The following XIRP2 variants were observed in gnomAD, a reference collection of about 807,000 sequenced individuals.
XIRP2 encodes xin actin binding repeat containing 2, also known as xin actin-binding repeat-containing protein 2.
Under a neutral mutation model 277.0 loss-of-function variants are expected in XIRP2, and 236 were observed. The observed-to-expected ratio is 0.85, with a 90% CI of 0.77 to 0.95. The LOEUF is 0.95. Among genes scored for constraint, XIRP2 ranks in the 40% least tolerant of loss-of-function variants. XIRP2 has a pLI of 0.00. For missense variants in XIRP2, 4,640 were observed against 4,157.5 expected (o/e 1.12, Z -3.19); for synonymous variants, 1,490 against 1,416.5 (o/e 1.05, Z -1.17).
rs903019357 is a variant in XIRP2 at position 167,259,557 on chromosome 2, T to C, written c.*1740T>C. The C allele has an allele frequency of 2.6e-5, 14 of 538,836 alleles. No homozygotes were observed. The highest frequency in any genetic ancestry group is 1.8e-4 in the African/African-American group (9 of 51,128). 33.4% of individuals were successfully genotyped at this position (538,836 alleles called of 1,614,324 possible). On this transcript the variant is annotated 3_prime_UTR_variant, in exon 11 of 11. Transcript: ENST00000409195. ...TTTTTCACAATTTATTTACATCTAC[T>C]TTTGTTTGAACTGGAATGAAGAGAT...
In XIRP2 at chr2:167,243,506, G is replaced by C; in HGVS notation, c.2114G>C (p.Gly705Ala). The change falls in exon 9 of 11, where the codon GGA becomes GCA. Residue 705 changes from glycine (G) to alanine (A), a missense_variant. Gly to Ala is a moderately conservative substitution (Grantham distance 60, BLOSUM62 0). Coordinates refer to ENST00000409195, the MANE Select transcript of XIRP2 (RefSeq NM_152381.6). ...MFETQHLDQL[G>A]QLHSVDEVHL... ...GAAACTCAACATCTAGATCAACTTG[G>C]ACAGCTTCATTCAGTGGATGAGGTT... 6.2e-7 allele frequency: 1 copy of C among 1,614,044 alleles called. No individual in the cohort carries two copies. The highest frequency in any genetic ancestry group is 8.5e-7 in the Non-Finnish European group (1 of 1,179,974).
At chr2:167,194,544 T>C (rs1456954275) in intron 3 of XIRP2, among the ~76,000 whole-genome samples, 2 of 152,222 alleles carry the variant, frequency 1.3e-5, no homozygotes, top group Non-Finnish European at 2.9e-5. Context: ...TTGAAATGTA[T>C]GAAGTGTTCT....
intron 2 of XIRP2, among the ~76,000 whole-genome samples, chr2:167,013,410 A>G (rs1687735158): frequency 6.6e-6 from 1 of 151,470 alleles, no homozygotes; most frequent in South Asian, 2.1e-4. Flanking sequence ...GCGGTCTTAA[A>G]TAAACATAAG....
At chr2:167,197,748 A>C (rs1460553442) in intron 3 of XIRP2, among the ~76,000 whole-genome samples, 1 of 152,170 alleles carries the variant, frequency 6.6e-6, no homozygotes, top group Non-Finnish European at 1.5e-5. Flanking sequence ...GGAATTTGGC[A>C]AAGAAACCCA....
intron 2 of XIRP2, among the ~76,000 whole-genome samples, chr2:167,089,798 A>T (rs1015906140): frequency 1.3e-5 from 2 of 152,130 alleles, no homozygotes; most frequent in African/African-American, 4.8e-5. Flanking sequence ...TTCTATCGAA[A>T]CGCAGCTATG....
At chr2:167,131,108 CT>C (rs1162243728) in intron 2 of XIRP2, among the ~76,000 whole-genome samples, 4 of 152,154 alleles carry the variant, frequency 2.6e-5, no homozygotes, top group Admixed American at 2.0e-4. Context: ...CAACTTCTGC[CT>C]GGGTTCTTAT....
chr2:167,194,884 C>T (rs1414640675), intron 3 of XIRP2, among the ~76,000 whole-genome samples: 2 of 152,216 alleles, frequency 1.3e-5, no homozygotes, highest in Non-Finnish European at 2.9e-5. Context: ...ATAGTAAGTG[C>T]TGTATAAGCT....
chr2:166,899,265 G>A (rs1466972981), intron 1 of XIRP2, among the ~76,000 whole-genome samples: 1 of 152,050 alleles, frequency 6.6e-6, no homozygotes, highest in Non-Finnish European at 1.5e-5. Context: ...TTTGAATGAA[G>A]TATAGAAACT....
chr2:166,910,470 AT>A (rs574576135), intron 2 of XIRP2, among the ~76,000 whole-genome samples: 2 of 152,034 alleles, frequency 1.3e-5, no homozygotes, highest in Non-Finnish European at 1.5e-5. Context: ...TCCCTTTATC[AT>A]TTTTTATGGC....
At position 167,245,187 on chromosome 2, in the gene XIRP2, A is replaced by T; in HGVS notation, c.3795A>T (p.Thr1265=). The T allele has an allele frequency of 6.2e-7, 1 of 1,613,490 alleles. No individual in the cohort carries two copies. The highest frequency in any genetic ancestry group is 8.5e-7 in the Non-Finnish European group (1 of 1,179,666). ...GTGATGAATGTGTTAAGACGGTGAC[A>T]GACATACAAGGTGGGGATGTAAGAA... ...QEGDECVKTV[T]DIQGGDVRKG... is the part of the protein sequence containing the mutation. The change falls in exon 9 of 11, where the codon ACA becomes ACT. Residue 1265 remains threonine (T), a synonymous_variant. Coordinates refer to ENST00000409195, the MANE Select transcript of XIRP2 (RefSeq NM_152381.6).
At chr2:166,917,942 A>C (rs1192248415) in intron 2 of XIRP2, among the ~76,000 whole-genome samples, 1 of 152,086 alleles carries the variant, frequency 6.6e-6, no homozygotes. Context: ...TTCATACTCT[A>C]TCAGGTTCTT....
At chr2:166,953,523 G>A (rs1686089404) in intron 2 of XIRP2, among the ~76,000 whole-genome samples, 1 of 151,928 alleles carries the variant, frequency 6.6e-6, no homozygotes. Flanking sequence ...GTGTCTTCAA[G>A]AGAAATAGTT....
intron 2 of XIRP2, among the ~76,000 whole-genome samples, chr2:166,938,862 C>T (rs1217810931): frequency 6.6e-6 from 1 of 152,116 alleles, no homozygotes; most frequent in African/African-American, 2.4e-5. Flanking sequence ...TCTTTTGTCT[C>T]TTTTGATCTT....
At chr2:166,934,207 AAAAAAAAC>A (rs1361729600) in intron 2 of XIRP2, among the ~76,000 whole-genome samples, 5 of 150,766 alleles carry the variant, frequency 3.3e-5, no homozygotes, top group African/African-American at 1.2e-4. Context: ...AAAAAAAAAA[AAAAAAAAC>A]AAAACTAGGG....
chr2:167,094,958 G>A lies in XIRP2; in HGVS notation c.409-40951G>A, dbSNP rs148589005. ...TTCTTCCTATCCATGACTATGGAAT[G>A]TTTTTCCATTTGTTTCTGTCCTCTC... On this transcript the variant is annotated intron_variant, in intron 2 of 10. Transcript: ENST00000409195. Among the ~76,000 whole-genome samples the A allele has an allele frequency of 3.2e-3, 490 of 152,260 alleles. 5 individuals carry two copies. The highest frequency in any genetic ancestry group is 0.011 in the African/African-American group (466 of 41,540).
At chr2:166,939,279 C>A (rs1685620801) in intron 2 of XIRP2, among the ~76,000 whole-genome samples, 1 of 152,104 alleles carries the variant, frequency 6.6e-6, no homozygotes, top group African/African-American at 2.4e-5. Flanking sequence ...TCTTTTAGGG[C>A]AGGCCTGGTG....
intron 2 of XIRP2, among the ~76,000 whole-genome samples, chr2:167,009,990 G>A (rs1327204831): frequency 1.4e-4 from 21 of 151,970 alleles, no homozygotes; most frequent in African/African-American, 4.8e-4. Context: ...AGTAGCTTGT[G>A]AAAATTTTCT....
intron 2 of XIRP2, among the ~76,000 whole-genome samples, chr2:166,926,561 C>T (rs1685193416): frequency 1.3e-5 from 2 of 152,024 alleles, no homozygotes; most frequent in Admixed American, 1.3e-4. Flanking sequence ...CTTACATAAC[C>T]CAATCTGCTT....
At chr2:167,136,342 T>G (rs1691551706) in intron 3 of XIRP2, among the ~76,000 whole-genome samples, 4 of 152,184 alleles carry the variant, frequency 2.6e-5, no homozygotes, top group Non-Finnish European at 5.9e-5. Flanking sequence ...AACAATGCAC[T>G]TGACCATAAT....
Sources: gnomAD v4.1 joint callset for allele counts (sites outside exome capture counted in the v4.1 genomes callset) on GRCh38, gnomAD v4.1.1 for gene constraint, MANE v1.5 for transcripts, NCBI Gene and HGNC (gene_info 2026-07-23, HGNC 2026-07-21) for gene names.